Variants in KIF16B observed in about 807,000 individuals in gnomAD.
KIF16B encodes kinesin family member 16B, also known as kinesin-like protein KIF16B.
A neutral mutation model predicts 156.3 loss-of-function variants in KIF16B; 98 were observed. The ratio of observed to expected loss-of-function variants is 0.63; its 90% CI spans 0.53 to 0.74. The LOEUF (loss-of-function observed/expected upper bound fraction) is 0.74. KIF16B is among the 30% of genes least tolerant of loss of function. KIF16B has a pLI of 0.00. For missense variants in KIF16B, 1,421 were observed against 1,606.5 expected, an observed-to-expected ratio of 0.88 and a Z score of 1.97; for synonymous variants, 564 against 583.7, an observed-to-expected ratio of 0.97 and a Z score of 0.49.
chr20:16,369,954 T>C (rs546024229), intron 22 of KIF16B, among the ~76,000 whole-genome samples: 7 of 152,334 alleles, frequency 4.6e-5, no homozygotes, highest in African/African-American at 1.7e-4. Context: ...CAGGAGGGTG[T>C]GGCTGCGGCC....
In KIF16B at chr20:16,508,005, C is replaced by A; in HGVS notation, c.652G>T (p.Asp218Tyr). 1 of 1,614,174 alleles carries A rather than the reference C, an allele frequency of 6.2e-7. No homozygotes were observed. The highest frequency in any genetic ancestry group is 1.1e-5 in the South Asian group (1 of 91,078). ...ATGGCATGAGACCTGCTACTGACGT[C>A]GTTCATCCCAGTCGCTGCGGTGGTC... ...NRTTAATGMN[D>Y]VSSRSHAIFT... The change falls in exon 7 of 26, where the codon GAC becomes TAC. Residue 218 changes from aspartate (D) to tyrosine (Y), a missense_variant. Physicochemically the swap from Asp to Tyr is radical, Grantham distance 160. Transcript: ENST00000354981.
chr20:16,409,922 G>A (rs189940250), intron 15 of KIF16B, among the ~76,000 whole-genome samples: 7 of 129,284 alleles, frequency 5.4e-5, no homozygotes, highest in Admixed American at 4.0e-4. Context: ...CTGGGATGTC[G>A]ATCTACCTTC....
At chr20:16,377,569 C>G (rs1158850683) in intron 19 of KIF16B, among the ~76,000 whole-genome samples, 1 of 151,986 alleles carries the variant, frequency 6.6e-6, no homozygotes, top group Non-Finnish European at 1.5e-5. Context: ...GGACCCAGAG[C>G]AAGACCCTGT....
intron 17 of KIF16B, among the ~76,000 whole-genome samples, chr20:16,385,126 G>A (rs1019485705): frequency 6.6e-6 from 1 of 151,946 alleles, no homozygotes; most frequent in Non-Finnish European, 1.5e-5. Flanking sequence ...GAACCCAGGA[G>A]GTGGAGGTTG....
rs903024806 is a variant in KIF16B at position 16,273,328 on chromosome 20, CGA to C, written c.3877_3878del (p.Ser1293GlufsTer6). The C allele has an allele frequency of 7.4e-6, 12 of 1,613,736 alleles. No individual in the cohort carries two copies. Among genetic ancestry groups the C allele is most frequent in the Non-Finnish European group, 1.0e-5 (12 of 1,179,682 alleles). ...LHINKVGLTL[S>X]KHTICEFSPF... ...GTGAAAACTCACAAATGGTATGTTT[CGA>C]GAGAGTCAGTCCCACTTTGTTGATG... On this transcript the variant is annotated frameshift_variant, in exon 26 of 26. Transcript: ENST00000354981. LOFTEE classifies it high-confidence loss of function.
At chr20:16,456,723 C>T (rs2067222133) in intron 12 of KIF16B, among the ~76,000 whole-genome samples, 1 of 152,118 alleles carries the variant, frequency 6.6e-6, no homozygotes, top group Non-Finnish European at 1.5e-5. Context: ...CTCAGTGGTA[C>T]TCCCCCACTC....
intron 1 of KIF16B, among the ~76,000 whole-genome samples, chr20:16,550,620 C>A (rs950730555): frequency 1.3e-5 from 2 of 148,778 alleles, no homozygotes; most frequent in Non-Finnish European, 3.0e-5. Context: ...GTAGCCTCAA[C>A]CTCCCTAAGC....
intron 1 of KIF16B, among the ~76,000 whole-genome samples, chr20:16,544,886 A>C (rs1180134099): frequency 6.6e-6 from 1 of 151,584 alleles, no homozygotes; most frequent in Non-Finnish European, 1.5e-5. Flanking sequence ...TGAATGTATA[A>C]GCACATGAAA....
Position 16,561,023 on chromosome 20 carries a change from C to T in KIF16B, c.47+12206G>A, listed in dbSNP as rs926045231. Among the ~76,000 whole-genome samples the T allele has an allele frequency of 2.0e-5, 3 of 151,982 alleles. No individual in the cohort carries two copies. In the East Asian group the frequency reaches 5.8e-4, roughly 29 times the overall value. On this transcript the variant is annotated intron_variant, in intron 1 of 25. Transcript: ENST00000354981. Reference sequence around the variant, plus strand: ...ATAATAGAGAGGCCGGGCGCAGTGGCTCATGCCTGTAATCCCTGCGCTTTG... The same window carrying T: ...ATAATAGAGAGGCCGGGCGCAGTGGTTCATGCCTGTAATCCCTGCGCTTTG...
chr20:16,494,024 G>GA (rs1361294300), intron 12 of KIF16B, among the ~76,000 whole-genome samples: 5 of 151,938 alleles, frequency 3.3e-5, no homozygotes, highest in Non-Finnish European at 7.4e-5. Context: ...GTCAAAAATG[G>GA]AAAAACCCCT....
rs559236248 is a variant in KIF16B at position 16,527,800 on chromosome 20, G to A, written c.117+571C>T. On this transcript the variant is annotated intron_variant, in intron 2 of 25. Coordinates refer to ENST00000354981, the MANE Select transcript of KIF16B (RefSeq NM_024704.5). ...TACCCTCCTCAGCGAAAAGCATTCA[G>A]TGCCCTTTAAAAATTTCCTAACCAA... is the stretch of plus-strand genomic sequence containing the variant. Among the ~76,000 whole-genome samples, 7 of 152,212 alleles carry A rather than the reference G, an allele frequency of 4.6e-5. No homozygotes were observed. The East Asian group carries it at 1.4e-3, about 29-fold the overall frequency.
chr20:16,430,977 T>C (rs866275583), intron 12 of KIF16B, among the ~76,000 whole-genome samples: 6 of 151,932 alleles, frequency 3.9e-5, no homozygotes, highest in Middle Eastern at 6.8e-3. Context: ...AAAACCTTGA[T>C]TCTCTCTGCC....
At chr20:16,568,158 GT>G (rs1233506098) in intron 1 of KIF16B, among the ~76,000 whole-genome samples, 3 of 151,676 alleles carry the variant, frequency 2.0e-5, no homozygotes, top group African/African-American at 4.8e-5. Flanking sequence ...GCCACTGGTG[GT>G]TTTTTTTCTT....
At chr20:16,281,286 A>T (rs924043105) in intron 25 of KIF16B, among the ~76,000 whole-genome samples, 1 of 152,226 alleles carries the variant, frequency 6.6e-6, no homozygotes, top group East Asian at 1.9e-4. Context: ...TCATTCTCAG[A>T]AGTCATTAAC....
rs146474349 is a variant in KIF16B, at chr20:16,440,666, A to G, written c.1303-10684T>C. ...GGAGAAGAAGGGTCTGGCTACCACC[A>G]CACCATGGCACCAACAAACCTAAAT... On this transcript the variant is annotated intron_variant, in intron 12 of 25. Transcript: ENST00000354981. 4.1e-3 allele frequency among the ~76,000 whole-genome samples: 620 copies of G among 152,144 alleles called. 4 individuals are homozygous for G. The highest frequency in any genetic ancestry group is 0.014 in the African/African-American group (592 of 41,514).
intron 23 of KIF16B, among the ~76,000 whole-genome samples, chr20:16,356,049 G>A (rs6135739): frequency 0.68 from 103,184 of 152,032 alleles, 36,276 homozygotes; most frequent in East Asian, 0.97. Flanking sequence ...CAGACATTAG[G>A]AAAGTCTTGG....
intron 19 of KIF16B, among the ~76,000 whole-genome samples, chr20:16,377,019 A>G (rs535086375): frequency 6.6e-6 from 1 of 152,370 alleles, no homozygotes; most frequent in South Asian, 2.1e-4. Flanking sequence ...TCCATAGCAT[A>G]AGCCAATCAT....
At chr20:16,391,095 G>A (rs560068224) in intron 17 of KIF16B, among the ~76,000 whole-genome samples, 65 of 152,250 alleles carry the variant, frequency 4.3e-4, no homozygotes, top group African/African-American at 1.6e-3. Context: ...CATAGTGTGG[G>A]TGGGGGAAGA....
chr20:16,573,437 G>T lies in KIF16B; in HGVS notation c.-162C>A. On this transcript the variant is annotated 5_prime_UTR_variant, in exon 1 of 26. Transcript: ENST00000354981. ...GTTCCGCGGCAGCCCCACCTGCCAG[G>T]CCACTGAGCATGCCCAGAACGGCTC... 1.4e-6 allele frequency: 1 copy of T among 735,682 alleles called. No individual in the cohort carries two copies. Among genetic ancestry groups the T allele is most frequent in the Non-Finnish European group, 2.2e-6 (1 of 451,158 alleles). The allele number at this position is 735,682 out of a possible 1,614,324, so 45.6% of individuals were successfully genotyped here.
Sources: gnomAD v4.1 joint callset for allele counts (sites outside exome capture counted in the v4.1 genomes callset) on GRCh38, gnomAD v4.1.1 for gene constraint, MANE v1.5 for transcripts, NCBI Gene and HGNC (gene_info 2026-07-23, HGNC 2026-07-21) for gene names.